TRHDE: variants seen among roughly 807,000 people sequenced by gnomAD.
TRHDE encodes the protein thyrotropin-releasing hormone-degrading ectoenzyme.
TRHDE carries 72 observed loss-of-function variants against 125.7 expected under a neutral mutation model. The ratio of observed to expected loss-of-function variants is 0.57; its 90% CI spans 0.47 to 0.70. The LOEUF (loss-of-function observed/expected upper bound fraction) is 0.70. TRHDE is among the 30% of genes least tolerant of loss of function. The probability of loss-of-function intolerance (pLI) is 0.00; values close to 1 mark genes in which losing one functional copy is unlikely to be tolerated. For missense variants in TRHDE, 1,110 were observed against 1,327.1 expected (o/e 0.84, Z 2.54); for synonymous variants, 509 against 509.1 (o/e 1.00, Z 0.00).
chr12:72,345,127 G>C (rs12161818), intron 2 of TRHDE, among the ~76,000 whole-genome samples: 2 of 151,980 alleles, frequency 1.3e-5, no homozygotes, highest in African/African-American at 4.8e-5. Context: ...GCTAAATTGT[G>C]TAATAGTTTT....
intron 6 of TRHDE, among the ~76,000 whole-genome samples, chr12:72,507,541 C>T (rs139952962): frequency 2.6e-5 from 4 of 152,256 alleles, no homozygotes; most frequent in African/African-American, 9.6e-5. Context: ...AAGATGTAGC[C>T]TGGCTGTTTC....
intron 2 of TRHDE, among the ~76,000 whole-genome samples, chr12:72,296,002 C>T (rs564588620): frequency 6.6e-6 from 1 of 152,130 alleles, no homozygotes; most frequent in Non-Finnish European, 1.5e-5. Flanking sequence ...TTTTTGAAAA[C>T]TTTTTACACT....
chr12:72,588,494 T>C (rs1871534597), intron 12 of TRHDE, among the ~76,000 whole-genome samples: 1 of 152,130 alleles, frequency 6.6e-6, no homozygotes, highest in African/African-American at 2.4e-5. Context: ...GAAAAGGACA[T>C]TGATCATGTA....
At chr12:72,317,794 G>A (rs1002865532) in intron 2 of TRHDE, among the ~76,000 whole-genome samples, 2 of 152,090 alleles carry the variant, frequency 1.3e-5, no homozygotes, top group African/African-American at 4.8e-5. Context: ...AATGGGCAGG[G>A]AACATTCAAC....
intron 2 of TRHDE, among the ~76,000 whole-genome samples, chr12:72,131,098 G>A (rs1229975945): frequency 8.1e-6 from 1 of 123,560 alleles, no homozygotes; most frequent in Admixed American, 9.4e-5. Context: ...TTGAGACAGA[G>A]TCTTCCTCTG....
rs1023150534 is a variant in TRHDE, at chr12:72,640,371, G to C, written c.2676-11951G>C. 2.6e-5 allele frequency among the ~76,000 whole-genome samples: 4 copies of C among 152,322 alleles called. No homozygotes were observed. The South Asian group carries it at 8.3e-4, about 32-fold the overall frequency. On this transcript the variant is annotated intron_variant, in intron 15 of 18. Coordinates refer to ENST00000261180, the MANE Select transcript of TRHDE (RefSeq NM_013381.3). ...CCTCGCCCTGCTTTGGCTCGCGCAC[G>C]GTGCGTGCACCCACTGACCTGCGCC...
intron 2 of TRHDE, among the ~76,000 whole-genome samples, chr12:72,326,875 A>C (rs986146342): frequency 6.6e-6 from 1 of 152,164 alleles, no homozygotes; most frequent in Non-Finnish European, 1.5e-5. Flanking sequence ...TAAATGGTGA[A>C]CACTTTGACA....
intron 3 of TRHDE, among the ~76,000 whole-genome samples, chr12:72,468,951 G>A (rs1244730834): frequency 6.6e-6 from 1 of 152,152 alleles, no homozygotes; most frequent in Non-Finnish European, 1.5e-5. Context: ...GTACATCGAA[G>A]CATGAACTCT....
Position 72,095,823 on chromosome 12 carries a change from T to A in TRHDE, n.174+8384T>A, listed in dbSNP as rs113631359. Among the ~76,000 whole-genome samples the A allele has an allele frequency of 3.0e-3, 463 of 152,288 alleles. 2 individuals are homozygous for A. Among genetic ancestry groups the A allele is most frequent in the African/African-American group, 0.011 (443 of 41,562 alleles). ...CAGGTCCGAGATATGTGGTCAAACA[T>A]TATTCTGGATGTTTCTGTGAGGGTG... On this transcript the variant is annotated intron_variant and non_coding_transcript_variant, in intron 1 of 4. Transcript: ENST00000548156.
chr12:72,271,596 C>A (rs1392552864), upstream of TRHDE, among the ~76,000 whole-genome samples: 2 of 152,150 alleles, frequency 1.3e-5, no homozygotes, highest in Non-Finnish European at 2.9e-5. Context: ...GCCGCTCAGT[C>A]GCTCCCCTCC....
rs562700067 is a variant in TRHDE at position 72,667,041 on chromosome 12, T to G, written c.*3846T>G. ...GCATCTCAATCAGTAAAAATAATAT[T>G]CAGTAAAATGTCTATAAATCTATGC... On this transcript the variant is annotated 3_prime_UTR_variant, in exon 19 of 19. Transcript: ENST00000261180. 6.6e-6 allele frequency: 1 copy of G among 152,084 alleles called. No individual in the cohort carries two copies. Among genetic ancestry groups the G allele is most frequent in the East Asian group, 1.9e-4 (1 of 5,150 alleles). 9.4% of individuals were successfully genotyped at this position (152,084 alleles called of 1,614,324 possible). A position where few individuals can be genotyped will look rare whatever the true frequency, so the allele number is the denominator to read the frequency against.
chr12:72,452,152 A>G (rs769631852), intron 3 of TRHDE, among the ~76,000 whole-genome samples: 1 of 150,860 alleles, frequency 6.6e-6, no homozygotes, highest in Non-Finnish European at 1.5e-5. Flanking sequence ...TTTTCATCAT[A>G]CAGGTATTCT....
At chr12:72,447,660 A>AT (rs1032521381) in intron 3 of TRHDE, among the ~76,000 whole-genome samples, 7 of 152,022 alleles carry the variant, frequency 4.6e-5, no homozygotes, top group African/African-American at 1.7e-4. Context: ...TATGAATACT[A>AT]TTTTTAAAAT....
At chr12:72,416,903 T>G (rs1873753851) in intron 3 of TRHDE, among the ~76,000 whole-genome samples, 1 of 152,170 alleles carries the variant, frequency 6.6e-6, no homozygotes, top group African/African-American at 2.4e-5. Flanking sequence ...CTTTTCTATT[T>G]CTGTAAAGAT....
At chr12:72,472,837 A>T (rs114620424) in intron 4 of TRHDE, among the ~76,000 whole-genome samples, 2,904 of 152,202 alleles carry the variant, frequency 0.019, 84 homozygotes, top group African/African-American at 0.067. Flanking sequence ...TTTTGTGTTC[A>T]TTGATTATTC....
chr12:72,342,847 A>T (rs1369237306), intron 2 of TRHDE, among the ~76,000 whole-genome samples: 1 of 152,098 alleles, frequency 6.6e-6, no homozygotes, highest in Non-Finnish European at 1.5e-5. Flanking sequence ...GTAGCAACTA[A>T]GCTTTGAGAT....
chr12:72,237,091 T>C (rs912048212), intron 2 of TRHDE, among the ~76,000 whole-genome samples: 6 of 152,198 alleles, frequency 3.9e-5, no homozygotes, highest in Non-Finnish European at 8.8e-5. Flanking sequence ...AATATCCATA[T>C]TTTTAAGCTG....
At chr12:72,547,533 GC>G (rs754004791) in intron 7 of TRHDE, among the ~76,000 whole-genome samples, 14 of 151,754 alleles carry the variant, frequency 9.2e-5, no homozygotes, top group Non-Finnish European at 1.6e-4. Flanking sequence ...TAATTGTTTT[GC>G]TTTTTGATTA....
At chr12:72,246,608 A>G (rs751678916) in intron 2 of TRHDE, among the ~76,000 whole-genome samples, 4 of 152,200 alleles carry the variant, frequency 2.6e-5, no homozygotes, top group Non-Finnish European at 4.4e-5. Context: ...TAACATAAAT[A>G]GCTCGATATT....
Sources: allele counts gnomAD v4.1 joint callset (sites outside exome capture counted in the v4.1 genomes callset), GRCh38; gene constraint gnomAD v4.1.1; transcripts MANE v1.5; gene names NCBI Gene and HGNC (gene_info 2026-07-23, HGNC 2026-07-21).